CHCHD3: variants seen among roughly 807,000 people sequenced by gnomAD.
CHCHD3 encodes the protein coiled-coil-helix-coiled-coil-helix domain containing 3.
Under a neutral mutation model 38.2 loss-of-function variants are expected in CHCHD3, and 20 were observed. The ratio of observed to expected loss-of-function variants is 0.52; its 90% CI spans 0.37 to 0.76. CHCHD3 has a LOEUF of 0.76. Among genes scored for constraint, CHCHD3 ranks in the 30% least tolerant of loss-of-function variants. The pLI is 0.00. For synonymous variants in CHCHD3, 82 were observed against 100.0 expected, an observed-to-expected ratio of 0.82 and a Z score of 1.07; for missense variants, 245 against 279.2, an observed-to-expected ratio of 0.88 and a Z score of 0.87.
At chr7:132,970,388 T>C (rs1811584189) in intron 4 of CHCHD3, among the ~76,000 whole-genome samples, 1 of 152,232 alleles carries the variant, frequency 6.6e-6, no homozygotes, top group Non-Finnish European at 1.5e-5. Flanking sequence ...CAAATATGTA[T>C]TGACTGCTTA....
At chr7:132,856,958 G>A (rs1225749183) in intron 5 of CHCHD3, among the ~76,000 whole-genome samples, 1 of 152,164 alleles carries the variant, frequency 6.6e-6, no homozygotes, top group Non-Finnish European at 1.5e-5. Flanking sequence ...CAGTCAGGTT[G>A]ACAGCTGGGA....
intron 2 of CHCHD3, among the ~76,000 whole-genome samples, chr7:133,060,950 C>CA (rs1814489702): frequency 1.3e-5 from 2 of 152,132 alleles, no homozygotes; most frequent in African/African-American, 4.8e-5. Context: ...TGAGGATATA[C>CA]AAGAACTACA....
rs954502578 is a variant in CHCHD3, at chr7:132,897,416, G to A, written c.370-11671C>T. ...ATGTTCACACTATTGGGACCAATTG[G>A]CCACTCAACCTCTTTTCTTGCAATC... is the stretch of plus-strand genomic sequence containing the variant. On this transcript the variant is annotated intron_variant, in intron 4 of 7. Transcript: ENST00000262570. Among the ~76,000 whole-genome samples the A allele has an allele frequency of 4.6e-5, 7 of 152,232 alleles. No homozygotes were observed. In the East Asian group the frequency reaches 1.2e-3, roughly 25 times the overall value.
intron 2 of CHCHD3, among the ~76,000 whole-genome samples, chr7:133,065,566 T>A (rs1490399457): frequency 6.6e-6 from 1 of 152,178 alleles, no homozygotes; most frequent in Non-Finnish European, 1.5e-5. Context: ...AAAATTTAAC[T>A]CACATTTAAT....
chr7:132,898,499 G>A (rs1470040113), intron 4 of CHCHD3, among the ~76,000 whole-genome samples: 1 of 152,222 alleles, frequency 6.6e-6, no homozygotes, highest in African/African-American at 2.4e-5. Context: ...TAGACACAAA[G>A]GTTCTCCACA....
chr7:133,034,695 G>T, intron 2 of CHCHD3: 1 of 1,612,996 alleles, frequency 6.2e-7, no homozygotes, highest in Middle Eastern at 1.7e-4. Flanking sequence ...CAGCGTCTGG[G>T]TCTCCTCTCT....
rs145614083 is a variant in CHCHD3, at chr7:132,958,238, T to G, written c.369+16931A>C. 2.7e-3 allele frequency among the ~76,000 whole-genome samples: 415 copies of G among 152,340 alleles called. 10 individuals are homozygous for G. In the East Asian group the frequency reaches 0.043, roughly 16 times the overall value. On this transcript the variant is annotated intron_variant, in intron 4 of 7. Coordinates refer to ENST00000262570, the MANE Select transcript of CHCHD3 (RefSeq NM_017812.4). ...GGGCAGAGGAGAAGAACACAACCAT[T>G]GCTGGTCTTTTACAATCTCTTCTTT...
intron 5 of CHCHD3, among the ~76,000 whole-genome samples, chr7:132,857,942 C>T (rs1198586120): frequency 6.6e-6 from 1 of 152,206 alleles, no homozygotes; most frequent in East Asian, 1.9e-4. Flanking sequence ...GGATAACTCC[C>T]GTCTTCTGGG....
intron 4 of CHCHD3, among the ~76,000 whole-genome samples, chr7:132,963,576 C>T (rs1023072995): frequency 2.7e-5 from 4 of 149,836 alleles, no homozygotes; most frequent in African/African-American, 7.4e-5. Flanking sequence ...TTGCAGTGAG[C>T]GGAGACTGCA....
In CHCHD3 at chr7:133,081,946, T is replaced by C; in HGVS notation, c.-9A>G. On this transcript the variant is annotated 5_prime_UTR_variant, in exon 1 of 8. Coordinates refer to ENST00000262570, the MANE Select transcript of CHCHD3 (RefSeq NM_017812.4). ...CTGGTGGTCCCACCCATGATTCCGG[T>C]TCCTGCCCCAGCGGAGACCTAGCGG... 2 of 1,544,140 alleles carry C rather than the reference T, an allele frequency of 1.3e-6. No individual in the cohort carries two copies. Among genetic ancestry groups the C allele is most frequent in the Non-Finnish European group, 1.7e-6 (2 of 1,143,378 alleles).
At position 132,944,078 on chromosome 7, in the gene CHCHD3, CA is replaced by C. The variant is rs1338840073; in HGVS notation, c.369+31090del. On this transcript the variant is annotated intron_variant, in intron 4 of 7. Coordinates refer to ENST00000262570, the MANE Select transcript of CHCHD3 (RefSeq NM_017812.4). Reference sequence around the variant, plus strand: ...AAAACATTAAAATATACTCTTTAAACAGCAAATTTGCTTTTAGAAATTTATC... The same window carrying C: ...AAAACATTAAAATATACTCTTTAAACGCAAATTTGCTTTTAGAAATTTATC... 5.9e-5 allele frequency among the ~76,000 whole-genome samples: 9 copies of C among 152,238 alleles called. No individual in the cohort carries two copies. In the East Asian group the frequency reaches 1.5e-3, roughly 26 times the overall value.
At chr7:132,870,393 C>A (rs1249969731) in intron 5 of CHCHD3, among the ~76,000 whole-genome samples, 2 of 149,898 alleles carry the variant, frequency 1.3e-5, no homozygotes, top group Non-Finnish European at 3.0e-5. Flanking sequence ...AAATAGAATT[C>A]AACCTGTGTT....
At chr7:132,913,514 G>A (rs569457309) in intron 4 of CHCHD3, among the ~76,000 whole-genome samples, 70 of 152,322 alleles carry the variant, frequency 4.6e-4, no homozygotes, top group Non-Finnish European at 8.7e-4. Context: ...AAAGGTGGAA[G>A]CATAGGCAGC....
At chr7:133,053,962 C>T (rs1008791442) in intron 2 of CHCHD3, among the ~76,000 whole-genome samples, 2 of 152,178 alleles carry the variant, frequency 1.3e-5, no homozygotes, top group Admixed American at 6.5e-5. Flanking sequence ...AAAAAGAAAA[C>T]TGCATTAAAC....
chr7:133,041,310 A>G (rs1447648229), intron 2 of CHCHD3, among the ~76,000 whole-genome samples: 2 of 152,190 alleles, frequency 1.3e-5, no homozygotes, highest in Non-Finnish European at 1.5e-5. Context: ...TATATAAATA[A>G]CACTCAAATT....
intron 3 of CHCHD3, among the ~76,000 whole-genome samples, chr7:132,989,048 T>C (rs998616885): frequency 9.9e-5 from 15 of 152,212 alleles, no homozygotes; most frequent in South Asian, 4.1e-4. Flanking sequence ...TGATGTAAAG[T>C]ATACGGGAGG....
At chr7:133,069,908 G>A (rs112976870) in intron 2 of CHCHD3, among the ~76,000 whole-genome samples, 5 of 152,158 alleles carry the variant, frequency 3.3e-5, no homozygotes, top group Non-Finnish European at 7.3e-5. Flanking sequence ...AAGCCTAGTA[G>A]AGGATTCAAG....
chr7:132,955,859 T>C (rs550419835), intron 4 of CHCHD3, among the ~76,000 whole-genome samples: 3 of 152,250 alleles, frequency 2.0e-5, no homozygotes, highest in Non-Finnish European at 2.9e-5. Context: ...GCTGACTGAA[T>C]AGGATCATTG....
intron 7 of CHCHD3, among the ~76,000 whole-genome samples, chr7:132,793,585 G>A (rs1410755521): frequency 6.6e-6 from 1 of 152,202 alleles, no homozygotes; most frequent in Non-Finnish European, 1.5e-5. Context: ...CAGAGAGGAA[G>A]AGTAAGGCTA....
Sources: allele counts gnomAD v4.1 joint callset (sites outside exome capture counted in the v4.1 genomes callset), GRCh38; gene constraint gnomAD v4.1.1; transcripts MANE v1.5; gene names NCBI Gene and HGNC (gene_info 2026-07-23, HGNC 2026-07-21).